Variants in USH2A observed in about 807,000 individuals in gnomAD.
USH2A encodes the protein usherin.
USH2A carries 443 observed loss-of-function variants against 538.9 expected under a neutral mutation model. That is an observed-to-expected ratio of 0.82 (90% CI 0.76 to 0.89). USH2A has a LOEUF of 0.89. Ranked by LOEUF, USH2A falls within the 40% of genes least tolerant of loss-of-function variation. The pLI, the probability that USH2A is intolerant of heterozygous loss-of-function variation, is 0.00. For missense variants in USH2A, 6,633 were observed against 6,324.8 expected, an observed-to-expected ratio of 1.05 and a Z score of -1.65; for synonymous variants, 2,413 against 2,273.5, an observed-to-expected ratio of 1.06 and a Z score of -1.75.
chr1:215,671,883 T>C (rs1000747854), intron 63 of USH2A, among the ~76,000 whole-genome samples: 1 of 152,086 alleles, frequency 6.6e-6, no homozygotes, highest in Non-Finnish European at 1.5e-5. Context: ...AGGAACATCA[T>C]GGAATTACGG....
intron 37 of USH2A, among the ~76,000 whole-genome samples, chr1:215,963,690 C>T (rs956570601): frequency 6.6e-6 from 1 of 152,096 alleles, no homozygotes; most frequent in Non-Finnish European, 1.5e-5. Context: ...CTACATAAAT[C>T]ACAGAACTAG....
chr1:215,674,702 G>T lies in USH2A; in HGVS notation c.13209C>A (p.Gly4403=). Residue 4403 remains glycine (G), a synonymous_variant, in exon 63 of 72, where the codon GGC becomes GGA. Transcript: ENST00000307340. ...GCAGGTGGGAAACCAGCAGGCACAG[G>T]CCCTGGCCAGCAAGGGACTCTTTAT... The part of the protein sequence containing the change: ...YDNKESLAGQ[G]LCLLVSHLQP... 6.2e-7 allele frequency: 1 copy of T among 1,613,974 alleles called. No individual in the cohort carries two copies. Among genetic ancestry groups the T allele is most frequent in the Non-Finnish European group, 8.5e-7 (1 of 1,179,988 alleles).
At chr1:216,167,948 T>G (rs1027800873) in intron 21 of USH2A, among the ~76,000 whole-genome samples, 2 of 152,104 alleles carry the variant, frequency 1.3e-5, no homozygotes, top group African/African-American at 4.8e-5. Context: ...GAGATGGCAT[T>G]TTGACAATGA....
chr1:216,217,525 A>T lies in USH2A; in HGVS notation c.3019T>A (p.Ser1007Thr), dbSNP rs371711993. 8 of 1,613,158 alleles carry T rather than the reference A, an allele frequency of 5.0e-6. No homozygotes were observed. Among genetic ancestry groups the T allele is most frequent in the Non-Finnish European group, 6.8e-6 (8 of 1,179,362 alleles). ...GRCQPCNCHL[S>T]GALNETCHLV... ...TGACAGGTTTCATTCAAGGCTCCTG[A>T]GAGATGACAATTACAAGGCTGACAT... The change falls in exon 15 of 72, where the codon TCA (serine) becomes ACA (threonine). Residue 1007 changes from serine (S) to threonine (T), a missense_variant. Coordinates refer to ENST00000307340, the MANE Select transcript of USH2A (RefSeq NM_206933.4).
intron 38 of USH2A, among the ~76,000 whole-genome samples, chr1:215,910,467 G>T (rs1014741283): frequency 1.3e-5 from 2 of 151,934 alleles, no homozygotes. Context: ...GATTAAGATG[G>T]TATATATTTC....
At chr1:216,249,386 A>T (rs188820835) in intron 12 of USH2A, among the ~76,000 whole-genome samples, 11 of 152,244 alleles carry the variant, frequency 7.2e-5, no homozygotes, top group South Asian at 4.1e-4. Flanking sequence ...CACAAGAAAG[A>T]TTCCATTGAT....
At chr1:215,766,204 C>A in intron 56 of USH2A, among the ~76,000 whole-genome samples, 1 of 152,144 alleles carries the variant, frequency 6.6e-6, no homozygotes, top group South Asian at 2.1e-4. Flanking sequence ...TTGATGTCAT[C>A]GATGGGTTTC....
chr1:215,754,279 A>C (rs758933317), intron 58 of USH2A, among the ~76,000 whole-genome samples: 1 of 152,192 alleles, frequency 6.6e-6, no homozygotes, highest in Non-Finnish European at 1.5e-5. Flanking sequence ...TATCAGTATC[A>C]CGGGTACTCT....
intron 61 of USH2A, among the ~76,000 whole-genome samples, chr1:215,717,355 T>C (rs1283664067): frequency 6.6e-6 from 1 of 152,184 alleles, no homozygotes; most frequent in Non-Finnish European, 1.5e-5. Context: ...ACATTCATCT[T>C]TTCTGACAAC....
chr1:215,880,194 G>A (rs1664871317), intron 41 of USH2A, among the ~76,000 whole-genome samples: 1 of 152,112 alleles, frequency 6.6e-6, no homozygotes, highest in South Asian at 2.1e-4. Context: ...AACCAAAGAG[G>A]AGCAATATAG....
At chr1:216,398,640 C>A (rs751899822) in intron 3 of USH2A, among the ~76,000 whole-genome samples, 6 of 152,116 alleles carry the variant, frequency 3.9e-5, no homozygotes, top group Non-Finnish European at 8.8e-5. Context: ...TAATCTTTCA[C>A]CCCACCCTCT....
At chr1:216,249,412 T>A (rs2036114567) in intron 12 of USH2A, among the ~76,000 whole-genome samples, 1 of 152,162 alleles carries the variant, frequency 6.6e-6, no homozygotes, top group Non-Finnish European at 1.5e-5. Flanking sequence ...GAAGTAATTA[T>A]TTCACTGTCT....
At chr1:216,407,327 T>C (rs1157681373) in intron 3 of USH2A, among the ~76,000 whole-genome samples, 1 of 152,118 alleles carries the variant, frequency 6.6e-6, no homozygotes, top group Non-Finnish European at 1.5e-5. Flanking sequence ...TAAATACTAA[T>C]AATTTTTCAC....
chr1:215,914,676 A>T (rs934602269), intron 38 of USH2A, among the ~76,000 whole-genome samples: 1 of 152,150 alleles, frequency 6.6e-6, no homozygotes, highest in African/African-American at 2.4e-5. Flanking sequence ...TTAAGTAGCC[A>T]GCCAGAACAT....
intron 30 of USH2A, among the ~76,000 whole-genome samples, chr1:216,049,398 T>G (rs973757295): frequency 2.6e-5 from 4 of 152,174 alleles, no homozygotes; most frequent in African/African-American, 7.2e-5. Context: ...CACATTTTGT[T>G]TACTAGTGTT....
chr1:215,961,806 TGG>T (rs1667207408), intron 37 of USH2A, among the ~76,000 whole-genome samples: 1 of 151,792 alleles, frequency 6.6e-6, no homozygotes, highest in Non-Finnish European at 1.5e-5. Flanking sequence ...GAAAATTTTC[TGG>T]GAAGAAAATA....
intron 32 of USH2A, among the ~76,000 whole-genome samples, chr1:216,031,196 A>G (rs1174698960): frequency 6.6e-6 from 1 of 152,048 alleles, no homozygotes; most frequent in Non-Finnish European, 1.5e-5. Flanking sequence ...CCTAAATCAG[A>G]TAGAAAGACA....
intron 30 of USH2A, among the ~76,000 whole-genome samples, chr1:216,068,255 G>A (rs964257663): frequency 6.6e-6 from 1 of 152,178 alleles, no homozygotes; most frequent in Non-Finnish European, 1.5e-5. Context: ...GACGAAGGCC[G>A]AGAGGAGGAG....
intron 44 of USH2A, among the ~76,000 whole-genome samples, chr1:215,856,851 G>C (rs1172880371): frequency 6.6e-6 from 1 of 150,614 alleles, no homozygotes; most frequent in Non-Finnish European, 1.5e-5. Flanking sequence ...GTGTGTGTGT[G>C]TGTGTGTGTG....
Sources: allele counts gnomAD v4.1 joint callset (sites outside exome capture counted in the v4.1 genomes callset), GRCh38; gene constraint gnomAD v4.1.1; transcripts MANE v1.5; gene names NCBI Gene and HGNC (gene_info 2026-07-23, HGNC 2026-07-21).